The following GRID1 variants were observed in gnomAD, a reference collection of about 807,000 sequenced individuals.
GRID1 encodes the protein glutamate receptor ionotropic, delta-1.
In GRID1, 28 loss-of-function variants were observed where a neutral mutation model predicts 98.0. The observed-to-expected ratio is 0.29, with a 90% CI of 0.21 to 0.39. The LOEUF (loss-of-function observed/expected upper bound fraction) is 0.39, where lower values mean the gene tolerates loss of function less well. Ranked by LOEUF, GRID1 falls within the 10% of genes least tolerant of loss-of-function variation. GRID1 has a pLI of 1.00. For synonymous variants in GRID1, 553 were observed against 538.5 expected (o/e 1.03, Z -0.37); for missense variants, 1,111 against 1,340.5 (o/e 0.83, Z 2.67).
intron 8 of GRID1, among the ~76,000 whole-genome samples, chr10:85,815,449 T>C (rs940767760): frequency 3.3e-5 from 5 of 151,886 alleles, no homozygotes; most frequent in African/African-American, 1.2e-4. Context: ...AAGAAATAAA[T>C]AGAACTGTCT....
intron 3 of GRID1, among the ~76,000 whole-genome samples, chr10:86,145,749 C>G (rs1157070525): frequency 6.6e-6 from 1 of 152,088 alleles, no homozygotes; most frequent in Non-Finnish European, 1.5e-5. Context: ...ATATGGGTAA[C>G]AGGAGCTAGG....
intron 8 of GRID1, among the ~76,000 whole-genome samples, chr10:85,811,753 A>AG (rs1842673926): frequency 6.6e-6 from 1 of 152,170 alleles, no homozygotes; most frequent in Non-Finnish European, 1.5e-5. Flanking sequence ...TCAGAAGGTG[A>AG]AGAGAAGGGA....
intron 4 of GRID1, among the ~76,000 whole-genome samples, chr10:86,093,526 A>G (rs566471555): frequency 4.6e-5 from 7 of 152,338 alleles, no homozygotes; most frequent in African/African-American, 1.7e-4. Context: ...AGATATTACA[A>G]CTGATACCAC....
intron 4 of GRID1, among the ~76,000 whole-genome samples, chr10:85,965,189 G>A (rs1842321003): frequency 6.6e-6 from 1 of 152,210 alleles, no homozygotes. Context: ...CTGTTGGTGG[G>A]AGTGTAAATT....
chr10:86,033,676 G>C (rs1001084059), intron 4 of GRID1, among the ~76,000 whole-genome samples: 6 of 152,164 alleles, frequency 3.9e-5, no homozygotes, highest in African/African-American at 1.2e-4. Context: ...CTCTCAGTTG[G>C]CCACTGGGCC....
chr10:85,906,276 AAGG>A (rs1321170032), intron 5 of GRID1, among the ~76,000 whole-genome samples: 1 of 152,158 alleles, frequency 6.6e-6, no homozygotes, highest in Non-Finnish European at 1.5e-5. Flanking sequence ...GTAAAACTGA[AAGG>A]AGAACAAACA....
intron 3 of GRID1, among the ~76,000 whole-genome samples, chr10:86,159,145 C>T (rs1477850011): frequency 3.3e-5 from 5 of 152,104 alleles, no homozygotes; most frequent in African/African-American, 2.4e-5. Context: ...CCGCCTGCCT[C>T]GGCCTCCCAT....
intron 4 of GRID1, among the ~76,000 whole-genome samples, chr10:86,131,501 G>C (rs1224708628): frequency 2.0e-5 from 3 of 152,158 alleles, no homozygotes; most frequent in Non-Finnish European, 2.9e-5. Context: ...AAGGCCACCA[G>C]GTGTCTTCAG....
intron 8 of GRID1, among the ~76,000 whole-genome samples, chr10:85,848,307 A>T (rs1243377083): frequency 6.6e-6 from 1 of 152,122 alleles, no homozygotes; most frequent in East Asian, 1.9e-4. Context: ...TATGGAAATA[A>T]ATATAGATAT....
chr10:85,608,805 C>T (rs1336358479), intron 15 of GRID1, among the ~76,000 whole-genome samples: 4 of 152,164 alleles, frequency 2.6e-5, no homozygotes, highest in Admixed American at 6.5e-5. Context: ...AGATACACAG[C>T]GGTGTATGGT....
intron 4 of GRID1, among the ~76,000 whole-genome samples, chr10:85,962,785 C>G (rs994081325): frequency 6.6e-6 from 1 of 152,158 alleles, no homozygotes. Context: ...CTCAGTACTA[C>G]CCTTCCAGAT....
chr10:85,902,395 AT>A (rs1197530287), intron 5 of GRID1, among the ~76,000 whole-genome samples: 1 of 152,212 alleles, frequency 6.6e-6, no homozygotes, highest in Non-Finnish European at 1.5e-5. Flanking sequence ...TATTTATGGA[AT>A]TTTCCACTTA....
At chr10:86,252,784 G>C (rs1194460649) in intron 2 of GRID1, among the ~76,000 whole-genome samples, 1 of 152,196 alleles carries the variant, frequency 6.6e-6, no homozygotes, top group African/African-American at 2.4e-5. Flanking sequence ...GGCTGAGTGT[G>C]AGATATTGGT....
intron 5 of GRID1, among the ~76,000 whole-genome samples, chr10:85,912,072 T>C (rs771000733): frequency 1.2e-4 from 18 of 152,218 alleles, no homozygotes; most frequent in Non-Finnish European, 2.4e-4. Flanking sequence ...TACATTGACC[T>C]GCCTTCAAAC....
chr10:85,665,258 T>C (rs549938970), intron 12 of GRID1, among the ~76,000 whole-genome samples: 1 of 152,152 alleles, frequency 6.6e-6, no homozygotes, highest in South Asian at 2.1e-4. Context: ...CCACACATGT[T>C]TACAGCTGTG....
chr10:85,710,187 A>G (rs1457279780), intron 12 of GRID1, among the ~76,000 whole-genome samples: 1 of 152,204 alleles, frequency 6.6e-6, no homozygotes, highest in East Asian at 1.9e-4. Context: ...AAAAAAACAC[A>G]ATTGAAGGTC....
chr10:86,034,966 A>T (rs1178068435), intron 4 of GRID1, among the ~76,000 whole-genome samples: 1 of 151,776 alleles, frequency 6.6e-6, no homozygotes, highest in African/African-American at 2.4e-5. Context: ...AGATGGTTGG[A>T]TGGATGGATG....
intron 3 of GRID1, among the ~76,000 whole-genome samples, chr10:86,198,817 C>T (rs748952753): frequency 2.6e-5 from 4 of 152,154 alleles, no homozygotes; most frequent in Admixed American, 2.0e-4. Flanking sequence ...CTAGTGCCCA[C>T]ACGCACTGCC....
intron 4 of GRID1, among the ~76,000 whole-genome samples, chr10:86,062,073 T>C (rs1341021537): frequency 6.6e-6 from 1 of 152,146 alleles, no homozygotes; most frequent in Non-Finnish European, 1.5e-5. Flanking sequence ...GAGCCCACCA[T>C]CTGTTCTGTG....
Sources: gnomAD v4.1 joint callset for allele counts (sites outside exome capture counted in the v4.1 genomes callset) on GRCh38, gnomAD v4.1.1 for gene constraint, MANE v1.5 for transcripts, NCBI Gene and HGNC (gene_info 2026-07-23, HGNC 2026-07-21) for gene names.